Variants in GRIN2B observed in about 807,000 individuals in gnomAD.
GRIN2B encodes the protein glutamate ionotropic receptor NMDA type subunit 2B, also known as glutamate receptor ionotropic, NMDA 2B.
A neutral mutation model predicts 114.5 loss-of-function variants in GRIN2B; 5 were observed. The observed-to-expected ratio is 0.04, with a 90% confidence interval of 0.02 to 0.09. GRIN2B has a LOEUF of 0.09. Among genes scored for constraint, GRIN2B ranks in the 10% least tolerant of loss-of-function variants. The pLI is 1.00. For synonymous variants in GRIN2B, 787 were observed against 745.1 expected (o/e 1.06, Z -0.92); for missense variants, 1,108 against 1,943.5 (o/e 0.57, Z 8.08).
At chr12:13,616,705 A>C in intron 5 of GRIN2B, 48 bp from the exon 6 acceptor site, 2 of 1,404,578 alleles carry the variant, frequency 1.4e-6, no homozygotes, top group Non-Finnish European at 2.0e-6. Flanking sequence ...CCACAACATA[A>C]CAAACAGCCT....
chr12:13,564,779 T>G lies in GRIN2B; in HGVS notation c.2599-140A>C. 2.4e-6 allele frequency: 2 copies of G among 841,052 alleles called. No individual in the cohort carries two copies. The highest frequency in any genetic ancestry group is 4.0e-6 in the Non-Finnish European group (2 of 502,920). The allele number at this position is 841,052 out of a possible 1,614,324, so 52.1% of individuals were successfully genotyped here. On this transcript the variant is annotated intron_variant, in intron 13 of 13. Coordinates refer to ENST00000609686, the MANE Select transcript of GRIN2B (RefSeq NM_000834.5). This position sits in a 1 kb window ranked among gnomAD's most constrained non-coding sequence, Gnocchi z 4.8. ...GCGAATAGTCTAATATACTATTAGA[T>G]GTGGCTAGAAGTTTGCCTAATTTAT...
chr12:13,712,543 A>ATACACAAAG (rs1950424085), intron 4 of GRIN2B, among the ~76,000 whole-genome samples: 1 of 151,898 alleles, frequency 6.6e-6, no homozygotes, highest in Admixed American at 6.6e-5. Flanking sequence ...AGACACAACT[A>ATACACAAAG]GTGATAAAAA....
intron 2 of GRIN2B, among the ~76,000 whole-genome samples, chr12:13,907,973 C>A (rs1866570808): frequency 6.6e-6 from 1 of 152,072 alleles, no homozygotes; most frequent in South Asian, 2.1e-4. Flanking sequence ...ATTTTAAAAT[C>A]CTAAAACTGC....
Position 13,556,715 on chromosome 12 carries a change from A to C in GRIN2B, c.*6068T>G, listed in dbSNP as rs1027006983. The C allele has an allele frequency of 2.0e-5, 3 of 152,166 alleles. No individual in the cohort carries two copies. The highest frequency in any genetic ancestry group is 7.2e-5 in the African/African-American group (3 of 41,434). The allele number at this position is 152,166 out of a possible 1,614,324, so 9.4% of individuals were successfully genotyped here. A position where few individuals can be genotyped will look rare whatever the true frequency, so the allele number is the denominator to read the frequency against. ...CACAGATTCTACACACCAGAGTGCC[A>C]AGGCTCTGAGGAATTCTACTCATCT... On this transcript the variant is annotated 3_prime_UTR_variant, in exon 14 of 14. Transcript: ENST00000609686.
rs1948383768 is a variant in GRIN2B, at chr12:13,549,375, C to T, written c.*13408G>A. Reference sequence around the variant, plus strand: ...ATTATCGGTCTGGGGGCTATAGGTTCTTTCTTCAAGAATTCATTGTGTATG... The same window carrying T: ...ATTATCGGTCTGGGGGCTATAGGTTTTTTCTTCAAGAATTCATTGTGTATG... On this transcript the variant is annotated 3_prime_UTR_variant, in exon 14 of 14. Coordinates refer to ENST00000609686, the MANE Select transcript of GRIN2B (RefSeq NM_000834.5). The T allele has an allele frequency of 6.6e-6, 1 of 152,112 alleles. No individual in the cohort carries two copies. The highest frequency in any genetic ancestry group is 2.4e-5 in the African/African-American group (1 of 41,412). The allele number at this position is 152,112 out of a possible 1,614,324, so 9.4% of individuals were successfully genotyped here.
chr12:13,828,840 C>T (rs1865099012), intron 3 of GRIN2B, among the ~76,000 whole-genome samples: 1 of 152,150 alleles, frequency 6.6e-6, no homozygotes, highest in South Asian at 2.1e-4. Context: ...CATATAGTTC[C>T]TGCTTATAAA....
intron 4 of GRIN2B, among the ~76,000 whole-genome samples, chr12:13,705,077 C>T (rs1950347481): frequency 8.1e-6 from 1 of 123,992 alleles, no homozygotes; most frequent in Non-Finnish European, 1.9e-5. Flanking sequence ...TTCTTTTTTC[C>T]TTCCCCCTGA....
Position 13,611,855 on chromosome 12 carries a change from G to A in GRIN2B, c.1655-5C>T, listed in dbSNP as rs148132876. On this transcript the variant is annotated splice_polypyrimidine_tract_variant and splice_region_variant and intron_variant, in intron 8 of 13. Coordinates refer to ENST00000609686, the MANE Select transcript of GRIN2B (RefSeq NM_000834.5). ...ATACGTCAGCGCTGAATGGCTCTGA[G>A]GAAGGGAAAAAAGCAGTGCTCAGGG... The A allele has an allele frequency of 7.4e-6, 12 of 1,613,322 alleles. No individual in the cohort carries two copies. The East Asian group carries it at 2.2e-4, about 30-fold the overall frequency.
chr12:13,582,383 C>A (rs1948864678), intron 10 of GRIN2B, among the ~76,000 whole-genome samples: 1 of 152,116 alleles, frequency 6.6e-6, no homozygotes, highest in Non-Finnish European at 1.5e-5. Flanking sequence ...AGGAAAATTG[C>A]CCAAATTAAC....
intron 2 of GRIN2B, among the ~76,000 whole-genome samples, chr12:13,911,872 G>A (rs1298570926): frequency 6.6e-6 from 1 of 152,128 alleles, no homozygotes; most frequent in East Asian, 1.9e-4. Context: ...TACGAAGAAA[G>A]CATTTAGCAA....
intron 3 of GRIN2B, among the ~76,000 whole-genome samples, chr12:13,855,579 G>A (rs1336897709): frequency 2.6e-5 from 4 of 152,124 alleles, no homozygotes. Flanking sequence ...TCCAGTTTCT[G>A]GCGGCTTTCC....
At chr12:13,748,422 C>A (rs1453986330) in intron 4 of GRIN2B, among the ~76,000 whole-genome samples, 1 of 152,196 alleles carries the variant, frequency 6.6e-6, no homozygotes, top group Non-Finnish European at 1.5e-5. Context: ...TAACCACTAA[C>A]TGCTCCTTGG....
At chr12:13,718,710 C>G (rs1399444396) in intron 4 of GRIN2B, among the ~76,000 whole-genome samples, 1 of 152,080 alleles carries the variant, frequency 6.6e-6, no homozygotes, top group African/African-American at 2.4e-5. Flanking sequence ...TGGGCAAACT[C>G]TGTCACCTAA....
In GRIN2B at chr12:13,962,258, G is replaced by A. The variant is rs541245250; in HGVS notation, c.-19+17670C>T. On this transcript the variant is annotated intron_variant, in intron 2 of 13. Transcript: ENST00000609686. ...CAGGCGGGAGCAGAGGGAGGCTCAC[G>A]CTCTTCTTGTCTCCACATCTACTTC... Among the ~76,000 whole-genome samples, 103 of 152,122 alleles carry A rather than the reference G, an allele frequency of 6.8e-4. 1 individual carries two copies. The highest frequency in any genetic ancestry group is 2.4e-3 in the African/African-American group (101 of 41,536).
chr12:13,871,410 A>G (rs1865904380), intron 2 of GRIN2B, among the ~76,000 whole-genome samples: 1 of 151,846 alleles, frequency 6.6e-6, no homozygotes, highest in Admixed American at 6.6e-5. Flanking sequence ...TTAAATAACT[A>G]TAAGGTTAAA....
rs146318073 is a variant in GRIN2B, at chr12:13,816,124, G to A, written c.411+49674C>T. ...TCCACATGTGTGAAAAACAGCACAC[G>A]TGGACAAGTCATATGAAGGGTGAGA... On this transcript the variant is annotated intron_variant, in intron 3 of 13. Transcript: ENST00000609686. 2.2e-3 allele frequency among the ~76,000 whole-genome samples: 340 copies of A among 152,298 alleles called. 1 individual carries two copies. The highest frequency in any genetic ancestry group is 0.01 in the Middle Eastern group (3 of 294).
intron 2 of GRIN2B, among the ~76,000 whole-genome samples, chr12:13,915,936 T>C (rs1031215768): frequency 2.0e-5 from 3 of 152,076 alleles, no homozygotes; most frequent in Admixed American, 6.6e-5. Context: ...ATTTGTTTTT[T>C]AAAATGCAGG....
chr12:13,723,848 A>C (rs1862926527), intron 4 of GRIN2B, among the ~76,000 whole-genome samples: 1 of 143,108 alleles, frequency 7.0e-6, no homozygotes, highest in Admixed American at 7.3e-5. Context: ...TGAACTGACT[A>C]TCAACTCAGG....
chr12:13,568,015 A>G (rs1329789265), intron 12 of GRIN2B, among the ~76,000 whole-genome samples: 2 of 151,946 alleles, frequency 1.3e-5, no homozygotes, highest in African/African-American at 4.8e-5. Flanking sequence ...AGAGAGATTG[A>G]TTGATTCCCT....
Sources: gnomAD v4.1 joint callset for allele counts (sites outside exome capture counted in the v4.1 genomes callset) on GRCh38, gnomAD v4.1.1 for gene constraint, Gnocchi (gnomAD v3.1) non-coding constraint, MANE v1.5 for transcripts, NCBI Gene and HGNC (gene_info 2026-07-23, HGNC 2026-07-21) for gene names.